The following PPP2R2C variants were observed in gnomAD, a reference collection of about 807,000 sequenced individuals.
The protein encoded by PPP2R2C is protein phosphatase 2 regulatory subunit Bgamma, also known as protein phosphatase 2, regulatory subunit B, gamma.
A neutral mutation model predicts 45.3 loss-of-function variants in PPP2R2C; 10 were observed. The ratio of observed to expected loss-of-function variants is 0.22; its 90% CI spans 0.14 to 0.37. The LOEUF (loss-of-function observed/expected upper bound fraction) is 0.37. Among genes scored for constraint, PPP2R2C ranks in the 10% least tolerant of loss-of-function variants. The pLI is 1.00. For missense variants in PPP2R2C, 308 were observed against 619.7 expected (o/e 0.50, Z 5.34); for synonymous variants, 257 against 245.4 (o/e 1.05, Z -0.44).
At chr4:6,386,345 G>A (rs750070014) in intron 1 of PPP2R2C, among the ~76,000 whole-genome samples, 10 of 152,160 alleles carry the variant, frequency 6.6e-5, no homozygotes, top group African/African-American at 1.2e-4. Flanking sequence ...TGAGACACTC[G>A]CAGCAGCTGG....
At chr4:6,459,621 G>C (rs568568358) in intron 1 of PPP2R2C, among the ~76,000 whole-genome samples, 2 of 152,084 alleles carry the variant, frequency 1.3e-5, no homozygotes, top group African/African-American at 4.8e-5. Flanking sequence ...TATAATAAAG[G>C]AAGTTCAATC....
intron 1 of PPP2R2C, among the ~76,000 whole-genome samples, chr4:6,387,061 GA>G (rs1220204467): frequency 6.6e-6 from 1 of 151,670 alleles, no homozygotes; most frequent in African/African-American, 2.4e-5. Context: ...AGAATAGAGA[GA>G]AAAAAAATTT....
In PPP2R2C at chr4:6,519,171, C is replaced by T. The variant is rs78396093; in HGVS notation, c.49+16100G>A. Among the ~76,000 whole-genome samples the T allele has an allele frequency of 9.9e-3, 1,507 of 152,258 alleles. 21 individuals are homozygous for T. Among genetic ancestry groups the T allele is most frequent in the African/African-American group, 0.034 (1,423 of 41,516 alleles). On this transcript the variant is annotated intron_variant, in intron 2 of 9. Coordinates refer to the PPP2R2C transcript ENST00000506140. ...ATTCTGCCACCATCCACCCTTCTGA[C>T]TCCCCTAGAATACCAGCTGTGTTGG... is the stretch of plus-strand genomic sequence containing the variant.
chr4:6,387,819 A>G (rs1716328824), intron 1 of PPP2R2C, among the ~76,000 whole-genome samples: 1 of 151,300 alleles, frequency 6.6e-6, no homozygotes, highest in Non-Finnish European at 1.5e-5. Context: ...AAAAAAAAAA[A>G]GAGTGAAGGG....
intron 2 of PPP2R2C, among the ~76,000 whole-genome samples, chr4:6,522,806 CTTTGG>C (rs944309382): frequency 5.9e-5 from 9 of 152,260 alleles, no homozygotes; most frequent in Non-Finnish European, 1.2e-4. Context: ...ACAGCTCCCA[CTTTGG>C]AGGCACTCCG....
chr4:6,430,243 G>A (rs886631618), intron 1 of PPP2R2C, among the ~76,000 whole-genome samples: 1 of 152,160 alleles, frequency 6.6e-6, no homozygotes, highest in African/African-American at 2.4e-5. Context: ...TGTCCTGCCT[G>A]ACCCCCATGA....
intron 1 of PPP2R2C, among the ~76,000 whole-genome samples, chr4:6,418,903 CAGT>C (rs1227218532): frequency 2.6e-5 from 4 of 152,214 alleles, no homozygotes; most frequent in Non-Finnish European, 4.4e-5. Flanking sequence ...GTGAAGCAGA[CAGT>C]AGGCCTGGGC....
intron 1 of PPP2R2C, among the ~76,000 whole-genome samples, chr4:6,449,889 C>T (rs1345650599): frequency 1.3e-5 from 2 of 152,354 alleles, no homozygotes; most frequent in African/African-American, 2.4e-5. Context: ...CAAAACACCT[C>T]GCCAGAGAGG....
Position 6,329,217 on chromosome 4 carries a change from C to G in PPP2R2C, c.1052+45G>C. On this transcript the variant is annotated intron_variant, in intron 8 of 8. Coordinates refer to ENST00000382599, the MANE Select transcript of PPP2R2C (RefSeq NM_020416.4). The surrounding 1 kb of genome is among the most constrained non-coding windows in gnomAD (Gnocchi z 5.8). ...AGCCCAGACCCCTGCAGGGCAGAAA[C>G]CCTCCCTACGGTGAGGTGAGGTGCG... is the stretch of plus-strand genomic sequence containing the variant. 1 of 1,564,492 alleles carries G rather than the reference C, an allele frequency of 6.4e-7. No homozygotes were observed. Among genetic ancestry groups the G allele is most frequent in the Non-Finnish European group, 8.8e-7 (1 of 1,137,348 alleles).
intron 8 of PPP2R2C, among the ~76,000 whole-genome samples, chr4:6,327,501 G>A (rs551985273): frequency 1.3e-5 from 2 of 152,368 alleles, no homozygotes; most frequent in Non-Finnish European, 2.9e-5. Context: ...GTCGCAGCCA[G>A]CGGGGACCTA....
At chr4:6,437,112 T>C (rs940695759) in intron 1 of PPP2R2C, among the ~76,000 whole-genome samples, 1 of 152,202 alleles carries the variant, frequency 6.6e-6, no homozygotes, top group African/African-American at 2.4e-5. Context: ...CCCTGATGCA[T>C]GGTTGGACTG....
intron 1 of PPP2R2C, among the ~76,000 whole-genome samples, chr4:6,403,037 G>A (rs1319191150): frequency 6.6e-6 from 1 of 152,234 alleles, no homozygotes; most frequent in East Asian, 1.9e-4. Flanking sequence ...AGACCAGGCG[G>A]CAGGAGGGCA....
intron 2 of PPP2R2C, among the ~76,000 whole-genome samples, chr4:6,484,741 T>C (rs759258289): frequency 4.0e-5 from 6 of 151,876 alleles, no homozygotes; most frequent in Non-Finnish European, 8.9e-5. Flanking sequence ...ATATCATAAC[T>C]GGTAGTTTTT....
intron 5 of PPP2R2C, chr4:6,350,441 T>C: frequency 1.0e-6 from 1 of 985,424 alleles, no homozygotes; most frequent in Non-Finnish European, 1.2e-6. Flanking sequence ...AGGGGCTACA[T>C]TCTCTCTGCA....
At chr4:6,380,673 G>A (rs1715708749) in intron 2 of PPP2R2C, among the ~76,000 whole-genome samples, 1 of 152,056 alleles carries the variant, frequency 6.6e-6, no homozygotes, top group Non-Finnish European at 1.5e-5. Flanking sequence ...GCAAACATCG[G>A]CTGAGGGCAG....
chr4:6,487,920 A>G (rs1222874869), intron 2 of PPP2R2C, among the ~76,000 whole-genome samples: 1 of 151,812 alleles, frequency 6.6e-6, no homozygotes, highest in Non-Finnish European at 1.5e-5. Flanking sequence ...TTCTTTTTTT[A>G]TCTTTTTACT....
intron 1 of PPP2R2C, among the ~76,000 whole-genome samples, chr4:6,430,731 C>T (rs1384350195): frequency 1.3e-5 from 2 of 152,076 alleles, no homozygotes; most frequent in African/African-American, 4.8e-5. Context: ...TCCAGACCAG[C>T]CTGGCCAACA....
intron 5 of PPP2R2C, among the ~76,000 whole-genome samples, chr4:6,355,209 A>ATGAATG (rs58415444): frequency 0.55 from 83,612 of 151,724 alleles, 25,933 homozygotes; most frequent in East Asian, 0.73. Context: ...TGCTGACTGA[A>ATGAATG]TGAATGAATC....
intron 6 of PPP2R2C, among the ~76,000 whole-genome samples, chr4:6,342,044 GTAAATATACT>G (rs1190765102): frequency 4.1e-5 from 6 of 147,412 alleles, no homozygotes; most frequent in Non-Finnish European, 8.9e-5. Flanking sequence ...GATTTTCCCA[GTAAATATACT>G]GAAAACATTT....
Sources: allele counts gnomAD v4.1 joint callset (sites outside exome capture counted in the v4.1 genomes callset), GRCh38; gene constraint gnomAD v4.1.1; non-coding constraint Gnocchi (gnomAD v3.1); transcripts MANE v1.5; gene names NCBI Gene and HGNC (gene_info 2026-07-23, HGNC 2026-07-21).